The following PAK4 variants were observed in gnomAD, a reference collection of about 807,000 sequenced individuals.
The protein encoded by PAK4 is serine/threonine-protein kinase PAK 4.
PAK4 carries 49 observed loss-of-function variants against 53.5 expected under a neutral mutation model. The observed-to-expected ratio is 0.92, with a 90% confidence interval of 0.73 to 1.16. PAK4 has a LOEUF of 1.16. Ranked by LOEUF, PAK4 falls within the 50% of genes most tolerant of loss-of-function variation. The pLI, the probability that PAK4 is intolerant of heterozygous loss-of-function variation, is 0.00. For synonymous variants in PAK4, 376 were observed against 375.6 expected (o/e 1.00, Z -0.01); for missense variants, 824 against 850.7 (o/e 0.97, Z 0.39).
chr19:39,164,194 A>G (rs2074330452), intron 1 of PAK4, among the ~76,000 whole-genome samples: 1 of 151,436 alleles, frequency 6.6e-6, no homozygotes, highest in Non-Finnish European at 1.5e-5. Flanking sequence ...GGAGAAGCAC[A>G]TGAACCCACT....
At chr19:39,158,089 CATGT>C (rs1411320682) in intron 1 of PAK4, among the ~76,000 whole-genome samples, 1 of 148,446 alleles carries the variant, frequency 6.7e-6, no homozygotes, top group East Asian at 2.0e-4. Context: ...TGTGTGTGTG[CATGT>C]GTGTGCATGC....
intron 1 of PAK4, among the ~76,000 whole-genome samples, chr19:39,158,152 T>C (rs972064508): frequency 1.5e-4 from 23 of 151,574 alleles, no homozygotes; most frequent in African/African-American, 4.4e-4. Context: ...CGTGCGTGTG[T>C]GCACATGTGT....
chr19:39,170,663 G>A (rs1027175831), intron 2 of PAK4, among the ~76,000 whole-genome samples: 2 of 152,220 alleles, frequency 1.3e-5, no homozygotes, highest in Non-Finnish European at 2.9e-5. Flanking sequence ...TGTGCCTGGG[G>A]ACTCACCCTC....
intron 1 of PAK4, among the ~76,000 whole-genome samples, chr19:39,158,707 C>G (rs1017982863): frequency 1.3e-5 from 2 of 152,148 alleles, no homozygotes; most frequent in African/African-American, 2.4e-5. Context: ...AGCATCATCT[C>G]TTCGTTGAGC....
At chr19:39,127,975 T>A (rs9967595) in intron 1 of PAK4, among the ~76,000 whole-genome samples, 3 of 151,810 alleles carry the variant, frequency 2.0e-5, no homozygotes, top group African/African-American at 7.3e-5. Context: ...GGCAAGACGC[T>A]GAGGGGACTC....
intron 1 of PAK4, among the ~76,000 whole-genome samples, chr19:39,147,640 A>T (rs1022081163): frequency 2.6e-4 from 40 of 152,258 alleles, no homozygotes; most frequent in Non-Finnish European, 1.5e-4. Flanking sequence ...CCTCACCAGC[A>T]TTTGGTGTTG....
chr19:39,174,051 CCCCT>C, intron 4 of PAK4, 41 bp downstream of exon 5: 1 of 1,261,488 alleles, frequency 7.9e-7, no homozygotes, highest in Non-Finnish European at 1.1e-6. Flanking sequence ...GGTCCTCCCA[CCCCT>C]CCCTCCCACC....
intron 1 of PAK4, among the ~76,000 whole-genome samples, chr19:39,165,218 T>TAATAAC (rs2074351751): frequency 6.7e-6 from 1 of 148,388 alleles, no homozygotes; most frequent in African/African-American, 2.5e-5. Flanking sequence ...ATAATAATAA[T>TAATAAC]AAGGCCGGGC....
At chr19:39,165,195 G>GATGATGATGATGATAATAATAATAATA (rs1364745681) in intron 1 of PAK4, among the ~76,000 whole-genome samples, 1 of 128,434 alleles carries the variant, frequency 7.8e-6, no homozygotes, top group African/African-American at 3.0e-5. Flanking sequence ...TGATGATGAT[G>GATGATGATGATGATAATAATAATAATA]ATAATAATAA....
At chr19:39,144,041 C>T (rs2073955896) in intron 1 of PAK4, among the ~76,000 whole-genome samples, 1 of 151,474 alleles carries the variant, frequency 6.6e-6, no homozygotes, top group African/African-American at 2.4e-5. Context: ...AGAGCAAAAC[C>T]TATGATGATA....
chr19:39,175,020 G>C lies in PAK4; in HGVS notation c.1188G>C (p.Glu396Asp). 6.2e-7 allele frequency: 1 copy of C among 1,613,820 alleles called. No individual in the cohort carries two copies. Among genetic ancestry groups the C allele is most frequent in the Non-Finnish European group, 8.5e-7 (1 of 1,179,912 alleles). The stretch of plus-strand genomic sequence containing the variant: ...GGGACGAGCTCTGGGTGGTCATGGA[G>C]TTCCTGGAAGGAGGCGCCCTCACCG... The change falls in exon 5 of 9, where the codon GAG becomes GAC. Residue 396 changes from glutamate to aspartate, a missense_variant. Physicochemically the swap from Glu to Asp is conservative, Grantham distance 45. Transcript: ENST00000358301. This position sits in a 1 kb window ranked among gnomAD's most constrained non-coding sequence, Gnocchi z 4.7.
intron 1 of PAK4, among the ~76,000 whole-genome samples, chr19:39,149,055 G>A (rs1439254561): frequency 6.6e-6 from 1 of 152,200 alleles, no homozygotes; most frequent in Non-Finnish European, 1.5e-5. Context: ...GGGGAAATTG[G>A]AGCCCCGTGC....
intron 1 of PAK4, among the ~76,000 whole-genome samples, chr19:39,159,978 T>G (rs2144764643): frequency 6.6e-6 from 1 of 152,356 alleles, no homozygotes; most frequent in Non-Finnish European, 1.5e-5. Context: ...CCATGTGATT[T>G]GGCTTTTGCC....
intron 1 of PAK4, among the ~76,000 whole-genome samples, chr19:39,156,388 G>A (rs565959121): frequency 2.0e-5 from 3 of 151,366 alleles, no homozygotes; most frequent in Non-Finnish European, 2.9e-5. Flanking sequence ...CCCCTTAGCC[G>A]CCTGGCCAGC....
intron 1 of PAK4, among the ~76,000 whole-genome samples, chr19:39,158,156 CAT>C (rs1172430580): frequency 1.3e-5 from 2 of 148,990 alleles, no homozygotes; most frequent in African/African-American, 5.0e-5. Context: ...CGTGTGTGCA[CAT>C]GTGTGCATGT....
At chr19:39,164,171 G>A (rs1192877860) in intron 1 of PAK4, among the ~76,000 whole-genome samples, 1 of 151,938 alleles carries the variant, frequency 6.6e-6, no homozygotes, top group Admixed American at 6.6e-5. Context: ...CAGCTTCTTG[G>A]GAGGCTGAGG....
At chr19:39,172,415 C>T (rs761447339) in intron 2 of PAK4, among the ~76,000 whole-genome samples, 1 of 152,108 alleles carries the variant, frequency 6.6e-6, no homozygotes, top group Non-Finnish European at 1.5e-5. Context: ...TACTTTGGGA[C>T]CAGGCCTTTC....
Position 39,170,336 on chromosome 19 carries a change from C to T in PAK4, c.204+579C>T, listed in dbSNP as rs148208015. Among the ~76,000 whole-genome samples the T allele has an allele frequency of 2.0e-3, 308 of 150,776 alleles. 1 individual carries two copies. The highest frequency in any genetic ancestry group is 7.2e-3 in the African/African-American group (295 of 41,164). Reference sequence around the variant, plus strand: ...AGTGGAGAAAATCACTCCTGTGAAACGCTGGGGGCTTTTTGGTTTTGGGTT... The same window carrying T: ...AGTGGAGAAAATCACTCCTGTGAAATGCTGGGGGCTTTTTGGTTTTGGGTT... On this transcript the variant is annotated intron_variant, in intron 2 of 8. Transcript: ENST00000358301.
intron 1 of PAK4, among the ~76,000 whole-genome samples, chr19:39,133,278 T>C (rs2073747961): frequency 6.6e-6 from 1 of 152,260 alleles, no homozygotes; most frequent in African/African-American, 2.4e-5. Context: ...GTATAGTAAG[T>C]GCTCAAAGAC....
Sources: gnomAD v4.1 joint callset for allele counts (sites outside exome capture counted in the v4.1 genomes callset) on GRCh38, gnomAD v4.1.1 for gene constraint, Gnocchi (gnomAD v3.1) non-coding constraint, MANE v1.5 for transcripts, NCBI Gene and HGNC (gene_info 2026-07-23, HGNC 2026-07-21) for gene names.